The following MAGI2 variants were observed in gnomAD, a reference collection of about 807,000 sequenced individuals.
MAGI2 encodes the protein membrane-associated guanylate kinase, WW and PDZ domain-containing protein 2.
MAGI2 carries 35 observed loss-of-function variants against 133.3 expected under a neutral mutation model. That is an observed-to-expected ratio of 0.26 (90% CI 0.20 to 0.35). The LOEUF is 0.35. Among genes scored for constraint, MAGI2 ranks in the 10% least tolerant of loss-of-function variants. The pLI is 1.00. For synonymous variants in MAGI2, 729 were observed against 710.6 expected, an observed-to-expected ratio of 1.03 and a Z score of -0.41; for missense variants, 1,636 against 1,863.4, an observed-to-expected ratio of 0.88 and a Z score of 2.25.
intron 21 of MAGI2, among the ~76,000 whole-genome samples, chr7:78,030,448 G>T (rs1193777465): frequency 1.3e-5 from 2 of 152,008 alleles, no homozygotes; most frequent in Non-Finnish European, 2.9e-5. Context: ...GTAGAGACGG[G>T]GTTTCACCAT....
chr7:78,284,728 C>T (rs936099394), intron 9 of MAGI2, among the ~76,000 whole-genome samples: 7 of 152,022 alleles, frequency 4.6e-5, no homozygotes, highest in African/African-American at 1.7e-4. Context: ...AGTGGAGAAA[C>T]TTAGCTGCCT....
At chr7:78,657,658 A>C (rs1812451739) in intron 2 of MAGI2, among the ~76,000 whole-genome samples, 1 of 152,228 alleles carries the variant, frequency 6.6e-6, no homozygotes, top group Non-Finnish European at 1.5e-5. Context: ...GATTGGGAAA[A>C]GGAAGGCATA....
rs56201811 is a variant in MAGI2, at chr7:78,028,848, C to CAAA, written c.3707-8875_3707-8873dup. 7.6e-3 allele frequency among the ~76,000 whole-genome samples: 643 copies of CAAA among 84,242 alleles called. 13 individuals are homozygous for CAAA. The highest frequency in any genetic ancestry group is 0.012 in the Non-Finnish European group (484 of 41,098). 55.3% of individuals were successfully genotyped at this position (84,242 alleles called of 152,430 possible). A position where few individuals can be genotyped will look rare whatever the true frequency, so the allele number is the denominator to read the frequency against. ...TGGGCAACAGAGCAAGACTCCATCTCAAAAAAAAAAAAAAAAAAAAAGAAC... is the reference window on the plus strand; with the variant it reads ...TGGGCAACAGAGCAAGACTCCATCTCAAAAAAAAAAAAAAAAAAAAAAAAGAAC... On this transcript the variant is annotated intron_variant, in intron 21 of 21. Transcript: ENST00000354212.
At chr7:79,274,050 GAGGT>G (rs1835063608) in intron 1 of MAGI2, among the ~76,000 whole-genome samples, 1 of 152,064 alleles carries the variant, frequency 6.6e-6, no homozygotes, top group Admixed American at 6.6e-5. Flanking sequence ...TCACCACCTG[GAGGT>G]AGGTTACCAA....
At chr7:79,314,523 A>G (rs188249679) in intron 1 of MAGI2, among the ~76,000 whole-genome samples, 32 of 152,330 alleles carry the variant, frequency 2.1e-4, no homozygotes, top group African/African-American at 7.2e-4. Context: ...CTGTAGAGTC[A>G]TGGAATATTA....
At chr7:79,033,984 A>C (rs1045913069) in intron 1 of MAGI2, among the ~76,000 whole-genome samples, 1 of 152,192 alleles carries the variant, frequency 6.6e-6, no homozygotes, top group East Asian at 1.9e-4. Context: ...GTAATTAACT[A>C]TTAATTTTTA....
intron 1 of MAGI2, among the ~76,000 whole-genome samples, chr7:79,248,843 C>CATTTTATTTTATTTT (rs59420661): frequency 2.9e-4 from 43 of 149,790 alleles, no homozygotes; most frequent in African/African-American, 9.6e-4. Flanking sequence ...ATATTAAAAC[C>CATTTTATTTTATTTT]ATTTTATTTT....
intron 2 of MAGI2, among the ~76,000 whole-genome samples, chr7:78,785,254 T>G (rs1438357674): frequency 6.6e-6 from 1 of 152,218 alleles, no homozygotes; most frequent in Non-Finnish European, 1.5e-5. Context: ...TTAATTTTGT[T>G]CTGCTTCAAG....
At chr7:79,323,837 TGATAATCCCTG>T (rs1221753395) in intron 1 of MAGI2, among the ~76,000 whole-genome samples, 1 of 152,108 alleles carries the variant, frequency 6.6e-6, no homozygotes, top group Non-Finnish European at 1.5e-5. Context: ...GGAGCACATG[TGATAATCCCTG>T]GACAGCAAGA....
intron 1 of MAGI2, among the ~76,000 whole-genome samples, chr7:79,213,767 C>G (rs994419489): frequency 6.6e-6 from 1 of 152,082 alleles, no homozygotes. Context: ...AGCGGCTACC[C>G]AGCCCTTTTT....
At chr7:79,183,848 T>C (rs985416885) in intron 1 of MAGI2, among the ~76,000 whole-genome samples, 3 of 151,822 alleles carry the variant, frequency 2.0e-5, no homozygotes, top group Non-Finnish European at 4.4e-5. Context: ...ATGAATGAAA[T>C]TGGAGTGTAT....
chr7:78,347,515 C>T (rs1208500355), intron 7 of MAGI2, among the ~76,000 whole-genome samples: 2 of 152,146 alleles, frequency 1.3e-5, no homozygotes, highest in Non-Finnish European at 2.9e-5. Flanking sequence ...CAGCGTAATG[C>T]CTCCTTCTTG....
At chr7:79,394,824 G>A (rs1442115158) in intron 1 of MAGI2, among the ~76,000 whole-genome samples, 2 of 152,062 alleles carry the variant, frequency 1.3e-5, no homozygotes, top group Non-Finnish European at 2.9e-5. Flanking sequence ...ACTTGCTATT[G>A]ATTTTATCCT....
intron 10 of MAGI2, among the ~76,000 whole-genome samples, chr7:78,210,687 A>G (rs755966242): frequency 6.6e-5 from 10 of 152,224 alleles, no homozygotes; most frequent in Non-Finnish European, 1.2e-4. Context: ...ATGCAGCAAA[A>G]TTGTGTTGCA....
chr7:79,157,847 C>CAAGTTTTTT (rs1823936904), intron 1 of MAGI2, among the ~76,000 whole-genome samples: 1 of 122,294 alleles, frequency 8.2e-6, no homozygotes, highest in Non-Finnish European at 1.7e-5. Context: ...GTGTATCTAA[C>CAAGTTTTTT]AAGTTTTTTT....
At chr7:78,718,585 T>C (rs1819950457) in intron 2 of MAGI2, among the ~76,000 whole-genome samples, 1 of 151,730 alleles carries the variant, frequency 6.6e-6, no homozygotes, top group South Asian at 2.1e-4. Flanking sequence ...TAATGCCTGA[T>C]GATGTGTCAC....
chr7:78,070,912 A>G (rs1344433261), intron 21 of MAGI2, among the ~76,000 whole-genome samples: 1 of 151,930 alleles, frequency 6.6e-6, no homozygotes, highest in Non-Finnish European at 1.5e-5. Flanking sequence ...ACCTCAGGTG[A>G]TCCACTCACC....
At position 78,436,433 on chromosome 7, in the gene MAGI2, A is replaced by G. The variant is rs545006912; in HGVS notation, c.1045+53328T>C. On this transcript the variant is annotated intron_variant, in intron 6 of 21. Coordinates refer to ENST00000354212, the MANE Select transcript of MAGI2 (RefSeq NM_012301.4). ...AACAGACCTCTGTCCTCAACTTTCA[A>G]TTCTACCTGGAACCATTATTAGACA... Among the ~76,000 whole-genome samples, 23 of 152,294 alleles carry G rather than the reference A, an allele frequency of 1.5e-4. No homozygotes were observed. The South Asian group carries it at 4.6e-3, about 30-fold the overall frequency.
intron 1 of MAGI2, among the ~76,000 whole-genome samples, chr7:79,088,735 G>A (rs1816765127): frequency 6.6e-6 from 1 of 151,928 alleles, no homozygotes; most frequent in African/African-American, 2.4e-5. Context: ...GTTAAATTTT[G>A]TTGAAGGCCT....
Sources: gnomAD v4.1 joint callset for allele counts (sites outside exome capture counted in the v4.1 genomes callset) on GRCh38, gnomAD v4.1.1 for gene constraint, MANE v1.5 for transcripts, NCBI Gene and HGNC (gene_info 2026-07-23, HGNC 2026-07-21) for gene names.